Variants in ACVRL1 observed in about 807,000 individuals in gnomAD.
ACVRL1 encodes activin A receptor like type 1.
Under a neutral mutation model 51.9 loss-of-function variants are expected in ACVRL1, and 20 were observed. That is an observed-to-expected ratio of 0.39 (90% CI 0.27 to 0.56). The LOEUF (loss-of-function observed/expected upper bound fraction) is 0.56, where lower values mean the gene tolerates loss of function less well. ACVRL1 is among the 20% of genes least tolerant of loss of function. The pLI is 0.67. For missense variants in ACVRL1, 451 were observed against 670.3 expected (o/e 0.67, Z 3.61); for synonymous variants, 288 against 280.9 (o/e 1.03, Z -0.25).
In ACVRL1 at chr12:51,917,523, A is replaced by G. The variant is rs1592225942; in HGVS notation, c.1246+1290A>G. On this transcript the variant is annotated intron_variant, in intron 8 of 9. Transcript: ENST00000388922. The surrounding 1 kb of genome is among the most constrained non-coding windows in gnomAD (Gnocchi z 4.2). Reference sequence around the variant, plus strand: ...GTGAGGGACTTCCAGGAGTCGTGACAGGTTGGGGACAATCCTCAGGATATG... The same window carrying G: ...GTGAGGGACTTCCAGGAGTCGTGACGGGTTGGGGACAATCCTCAGGATATG... Among the ~76,000 whole-genome samples, 2 of 152,110 alleles carry G rather than the reference A, an allele frequency of 1.3e-5. No homozygotes were observed. Among genetic ancestry groups the G allele is most frequent in the Admixed American group, 1.3e-4 (2 of 15,276 alleles).
At chr12:51,907,209 C>T (rs1010655704), upstream of ACVRL1, among the ~76,000 whole-genome samples, 1 of 152,116 alleles carries the variant, frequency 6.6e-6, no homozygotes, top group Non-Finnish European at 1.5e-5. This position sits in a 1 kb window ranked among gnomAD's most constrained non-coding sequence, Gnocchi z 4.5. Flanking sequence ...ATGGGACCCC[C>T]ACAGGACCCC....
rs138536550 is a variant in ACVRL1 at position 51,915,511 on chromosome 12, C to T, written c.1048+11C>T. Reference sequence around the variant, plus strand: ...GCATCGCCGACCTGGGTGAGCCGGGCGGGGCAGGGGCGCGCCCTTCACAGG... The same window carrying T: ...GCATCGCCGACCTGGGTGAGCCGGGTGGGGCAGGGGCGCGCCCTTCACAGG... On this transcript the variant is annotated intron_variant, in intron 7 of 9. Coordinates refer to ENST00000388922, the MANE Select transcript of ACVRL1 (RefSeq NM_000020.3). The T allele has an allele frequency of 8.7e-6, 14 of 1,603,630 alleles. No individual in the cohort carries two copies. The highest frequency in any genetic ancestry group is 5.3e-5 in the African/African-American group (4 of 74,886).
chr12:51,912,988 A>G (rs1039280592), intron 2 of ACVRL1, 111 bp from the exon 3 acceptor site: 27 of 1,444,600 alleles, frequency 1.9e-5, no homozygotes, highest in Middle Eastern at 2.4e-4. Context: ...CAAAGCTTCA[A>G]GGTGTTTGTC....
chr12:51,909,689 T>A (rs1208566901), intron 1 of ACVRL1, among the ~76,000 whole-genome samples: 2 of 151,562 alleles, frequency 1.3e-5, no homozygotes, highest in Non-Finnish European at 2.9e-5. Flanking sequence ...TTATCAGCAA[T>A]TTAAGTTTAT....
Position 51,913,084 on chromosome 12 carries a change from C to T in ACVRL1, c.62-15C>T, listed in dbSNP as rs745560808. On this transcript the variant is annotated splice_polypyrimidine_tract_variant and intron_variant, in intron 2 of 9. Coordinates refer to ENST00000388922, the MANE Select transcript of ACVRL1 (RefSeq NM_000020.3). ...GCTGGGACCACAGTGGCTGAGCTTC[C>T]GGTGTGTCTTCCAGGAGACCCTGTG... The T allele has an allele frequency of 2.4e-5, 39 of 1,598,656 alleles. No individual in the cohort carries two copies. In the South Asian group the frequency reaches 2.9e-4, roughly 12 times the overall value.
intron 8 of ACVRL1, among the ~76,000 whole-genome samples, chr12:51,916,651 A>T (rs1387348334): frequency 6.6e-6 from 1 of 152,208 alleles, no homozygotes; most frequent in East Asian, 1.9e-4. Context: ...GACCGTGCGT[A>T]GGTTATTTGA....
intron 1 of ACVRL1, among the ~76,000 whole-genome samples, chr12:51,910,599 T>C (rs180737521): frequency 6.6e-6 from 1 of 152,298 alleles, no homozygotes; most frequent in East Asian, 1.9e-4. Flanking sequence ...TTTAGCCTTA[T>C]TGTTAGCCAC....
At position 51,911,591 on chromosome 12, in the gene ACVRL1, G is replaced by A. The variant is rs190321667; in HGVS notation, c.-5-879G>A. ...TATAGCCCTGAGGGCTCAGACATGG[G>A]CTGCCACCACTGGATAGGGACAGAG... is the stretch of plus-strand genomic sequence containing the variant. On this transcript the variant is annotated intron_variant, in intron 1 of 9. Coordinates refer to ENST00000388922, the MANE Select transcript of ACVRL1 (RefSeq NM_000020.3). Among the ~76,000 whole-genome samples the A allele has an allele frequency of 7.1e-3, 1,081 of 152,300 alleles. 16 individuals are homozygous for A. Among genetic ancestry groups the A allele is most frequent in the African/African-American group, 0.025 (1,025 of 41,556 alleles).
intron 3 of ACVRL1, 94 bp from the exon 4 acceptor site, chr12:51,913,465 G>GGGGGGC: frequency 7.6e-7 from 1 of 1,317,440 alleles, no homozygotes; most frequent in Non-Finnish European, 1.0e-6. Context: ...GAGCGGGTGG[G>GGGGGGC]CAGGACTCTG....
intron 1 of ACVRL1, among the ~76,000 whole-genome samples, chr12:51,908,248 C>T (rs770126301): frequency 3.1e-4 from 47 of 152,170 alleles, no homozygotes; most frequent in Non-Finnish European, 4.9e-4. Flanking sequence ...AAGGGGATCC[C>T]AGTCTCCCCC....
rs1940782334 is a variant in ACVRL1, at chr12:51,914,485, G to C, written c.672G>C (p.Glu224Asp). 6.2e-7 allele frequency: 1 copy of C among 1,614,188 alleles called. No individual in the cohort carries two copies. The highest frequency in any genetic ancestry group is 8.5e-7 in the Non-Finnish European group (1 of 1,180,018). The change falls in exon 6 of 10, where the codon GAG becomes GAC. Residue 224 changes from glutamate to aspartate, a missense_variant. This residue lies in a region of ACVRL1 where 259 missense variants were observed against 453.4 expected (regional missense o/e 0.57). Transcript: ENST00000388922. ...GEVWRGLWHGESVAVKIFSSR... is the reference protein window; with the variant it reads ...GEVWRGLWHGDSVAVKIFSSR... ...TGTGGCGGGGCTTGTGGCACGGTGA[G>C]AGTGTGGCCGTCAAGATCTTCTCCT...
rs56379428 is a variant in ACVRL1, at chr12:51,915,445, C to T, written c.993C>T (p.Phe331=). 9.5e-5 allele frequency: 153 copies of T among 1,613,540 alleles called. No homozygotes were observed. The East Asian group carries it at 3.1e-3, about 32-fold the overall frequency. ...QGKPAIAHRD[F]KSRNVLVKSN... is the part of the protein sequence containing the mutation. ...AACCAGCCATTGCCCACCGCGACTTCAAGAGCCGCAATGTGCTGGTCAAGA... is the reference window on the plus strand; with the variant it reads ...AACCAGCCATTGCCCACCGCGACTTTAAGAGCCGCAATGTGCTGGTCAAGA... The change falls in exon 7 of 10, where the codon TTC becomes TTT. Residue 331 remains phenylalanine (F), a synonymous_variant. Transcript: ENST00000388922.
chr12:51,919,091 C>G lies in ACVRL1; in HGVS notation c.1353C>G (p.Ile451Met), dbSNP rs759261385. The G allele has an allele frequency of 1.2e-6, 2 of 1,614,112 alleles. No individual in the cohort carries two copies. Among genetic ancestry groups the G allele is most frequent in the African/African-American group, 2.7e-5 (2 of 75,022 alleles). The change falls in exon 9 of 10, where the codon ATC (isoleucine) becomes ATG (methionine). Residue 451 changes from isoleucine (I) to methionine (M), a missense_variant. By Grantham distance (10) the Ile-to-Met change is conservative (BLOSUM62 1). This residue lies in a region of ACVRL1 where 259 missense variants were observed against 453.4 expected (regional missense o/e 0.57). Transcript: ENST00000388922. ...GTGTGGATCAGCAGACCCCCACCATCCCTAACCGGCTGGCTGCAGACCCGG... is the reference window on the plus strand; with the variant it reads ...GTGTGGATCAGCAGACCCCCACCATGCCTAACCGGCTGGCTGCAGACCCGG... The part of the protein sequence containing the change: ...VVCVDQQTPT[I>M]PNRLAADPVL...
chr12:51,922,718 G>A lies in ACVRL1; in HGVS notation c.*1825G>A, dbSNP rs1269061097. 1 of 152,268 alleles carries A rather than the reference G, an allele frequency of 6.6e-6. No individual in the cohort carries two copies. The highest frequency in any genetic ancestry group is 2.4e-5 in the African/African-American group (1 of 41,446). 9.4% of individuals were successfully genotyped at this position (152,268 alleles called of 1,614,324 possible). A position where few individuals can be genotyped will look rare whatever the true frequency, so the allele number is the denominator to read the frequency against. ...ACAAGGACAGCCCCAAGGTTGGGAA[G>A]ACCTGGCCTTAGTCGTCCTCAGCCT... is the stretch of plus-strand genomic sequence containing the variant. On this transcript the variant is annotated 3_prime_UTR_variant, in exon 10 of 10. Transcript: ENST00000388922.
Position 51,916,081 on chromosome 12 carries a change from G to A in ACVRL1, c.1094G>A (p.Gly365Asp), listed in dbSNP as rs868082083. The change falls in exon 8 of 10, where the codon GGC (glycine) becomes GAC (aspartate). Residue 365 changes from glycine to aspartate, a missense_variant. Around this residue, in one of 2 missense-constraint regions of ACVRL1, gnomAD observed 259 missense variants for 453.4 expected, o/e 0.57. Coordinates refer to ENST00000388922, the MANE Select transcript of ACVRL1 (RefSeq NM_000020.3). Reference protein sequence around the residue: ...HSQGSDYLDIGNNPRVGTKRY... With the variant: ...HSQGSDYLDIDNNPRVGTKRY... ...CAGGGCAGCGATTACCTGGACATCG[G>A]CAACAACCCGAGAGTGGGCACCAAG... 6.2e-7 allele frequency: 1 copy of A among 1,613,180 alleles called. No individual in the cohort carries two copies. Among genetic ancestry groups the A allele is most frequent in the Non-Finnish European group, 8.5e-7 (1 of 1,179,304 alleles).
At chr12:51,918,429 T>C (rs1940893602) in intron 8 of ACVRL1, among the ~76,000 whole-genome samples, 1 of 152,212 alleles carries the variant, frequency 6.6e-6, no homozygotes. Context: ...ACCTACCTCA[T>C]AGGGCTGCTG....
Position 51,922,697 on chromosome 12 carries a change from G to A in ACVRL1, c.*1804G>A, listed in dbSNP as rs1160390910. 1 of 152,316 alleles carries A rather than the reference G, an allele frequency of 6.6e-6. No individual in the cohort carries two copies. The highest frequency in any genetic ancestry group is 1.5e-5 in the Non-Finnish European group (1 of 68,092). 9.4% of individuals were successfully genotyped at this position (152,316 alleles called of 1,614,324 possible). On this transcript the variant is annotated 3_prime_UTR_variant, in exon 10 of 10. Coordinates refer to ENST00000388922, the MANE Select transcript of ACVRL1 (RefSeq NM_000020.3). ...GGGTGGAGACTCAGGCTATGGACAA[G>A]GACAGCCCCAAGGTTGGGAAGACCT...
chr12:51,918,044 C>T (rs987030745), intron 8 of ACVRL1, among the ~76,000 whole-genome samples: 6 of 152,338 alleles, frequency 3.9e-5, no homozygotes, highest in South Asian at 2.1e-4. Flanking sequence ...AAGGCTCTAT[C>T]GAGGTTGCGG....
intron 5 of ACVRL1, 144 bp downstream of exon 5, chr12:51,914,217 G>A (rs1940772008): frequency 1.3e-5 from 16 of 1,190,566 alleles, no homozygotes; most frequent in Non-Finnish European, 1.9e-5. Context: ...GTGGGCTGGA[G>A]ACGGGCCAGG....
Sources: allele counts gnomAD v4.1 joint callset (sites outside exome capture counted in the v4.1 genomes callset), GRCh38; gene constraint gnomAD v4.1.1; regional missense constraint gnomAD v4.1.1; non-coding constraint Gnocchi (gnomAD v3.1); transcripts MANE v1.5; gene names NCBI Gene and HGNC (gene_info 2026-07-23, HGNC 2026-07-21).